Variants in CHCHD5 observed in about 807,000 individuals in gnomAD.
CHCHD5 encodes coiled-coil-helix-coiled-coil-helix domain-containing protein 5.
Under a neutral mutation model 16.0 loss-of-function variants are expected in CHCHD5, and 10 were observed. The observed-to-expected ratio is 0.63, with a 90% confidence interval of 0.39 to 1.06. The LOEUF (loss-of-function observed/expected upper bound fraction) is 1.06, where lower values mean the gene tolerates loss of function less well. CHCHD5 is among the 50% of genes least tolerant of loss of function. The probability of loss-of-function intolerance (pLI) is 0.01; values close to 1 mark genes in which losing one functional copy is unlikely to be tolerated. For synonymous variants in CHCHD5, 55 were observed against 56.3 expected (o/e 0.98, Z 0.10); for missense variants, 163 against 153.4 (o/e 1.06, Z -0.33).
At chr2:112,584,907 C>G (rs757529069) in intron 1 of CHCHD5, 15 of 562,722 alleles carry the variant, frequency 2.7e-5, no homozygotes, top group South Asian at 2.3e-4. Flanking sequence ...ATCTCTGCCC[C>G]CAGTACCCCA....
At chr2:112,587,723 AG>A (rs1685263555) in intron 3 of CHCHD5, 1 of 152,202 alleles carries the variant, frequency 6.6e-6, no homozygotes, top group Non-Finnish European at 1.5e-5. Context: ...TCAGACCCCT[AG>A]GGCAGAAACT....
Position 112,584,860 on chromosome 2 carries a change from C to T in CHCHD5, c.2+211C>T, listed in dbSNP as rs939344098. On this transcript the variant is annotated intron_variant, in intron 1 of 3. Coordinates refer to ENST00000324913, the MANE Select transcript of CHCHD5 (RefSeq NM_032309.4). ...AGCGTTTAGGCCTCGCCCCCTCTCG[C>T]GCTGCTTAGGACTTCGGTCCAGTCA... 6 of 609,872 alleles carry T rather than the reference C, an allele frequency of 9.8e-6. 1 individual carries two copies. The highest frequency in any genetic ancestry group is 9.8e-5 in the South Asian group (5 of 51,056). The allele number at this position is 609,872 out of a possible 1,614,324, so 37.8% of individuals were successfully genotyped here.
rs556728271 is a variant in CHCHD5 at position 112,584,772 on chromosome 2, C to T, written c.2+123C>T. On this transcript the variant is annotated intron_variant, in intron 1 of 3. Transcript: ENST00000324913. ...CTCCCTCCTTCTTGGAGATCTGACCCTCAGGATTCAGCGCCTTCGCTCACG... is the reference window on the plus strand; with the variant it reads ...CTCCCTCCTTCTTGGAGATCTGACCTTCAGGATTCAGCGCCTTCGCTCACG... 6.3e-5 allele frequency: 78 copies of T among 1,230,776 alleles called. No homozygotes were observed. The Middle Eastern group carries it at 7.6e-4, about 12-fold the overall frequency. The allele number at this position is 1,230,776 out of a possible 1,614,324, so 76.2% of individuals were successfully genotyped here. A position where few individuals can be genotyped will look rare whatever the true frequency, so the allele number is the denominator to read the frequency against.
At chr2:112,586,491 T>G in intron 3 of CHCHD5, 126 bp downstream of exon 3, 1 of 1,557,334 alleles carries the variant, frequency 6.4e-7, no homozygotes, top group Non-Finnish European at 8.7e-7. Context: ...GCCTTTGCCA[T>G]GCATCCAGAA....
Position 112,584,657 on chromosome 2 carries a change from G to A in CHCHD5, c.2+8G>A, listed in dbSNP as rs766284202. ...CGGCAAAGGTCTCGAGATGTGAGTA[G>A]TGAGAGCGCCTACCCCATACGTGCT... On this transcript the variant is annotated splice_region_variant and intron_variant, in intron 1 of 3. Coordinates refer to ENST00000324913, the MANE Select transcript of CHCHD5 (RefSeq NM_032309.4). The A allele has an allele frequency of 6.2e-7, 1 of 1,614,090 alleles. No individual in the cohort carries two copies. The highest frequency in any genetic ancestry group is 8.5e-7 in the Non-Finnish European group (1 of 1,179,936).
chr2:112,585,828 T>C (rs969404701), intron 1 of CHCHD5, 146 bp from the exon 2 acceptor site: 36 of 863,948 alleles, frequency 4.2e-5, no homozygotes, highest in African/African-American at 2.9e-4. Flanking sequence ...AATCCAGGAG[T>C]TGGTGGCTAC....
chr2:112,586,402 A>T (rs976594673), intron 3 of CHCHD5, 37 bp downstream of exon 3: 1 of 1,614,018 alleles, frequency 6.2e-7, no homozygotes, highest in Admixed American at 1.7e-5. Flanking sequence ...TCTTTTCTCC[A>T]TAACATCCCC....
intron 1 of CHCHD5, 29 bp downstream of exon 1, chr2:112,584,678 G>A: frequency 2.5e-6 from 4 of 1,613,648 alleles, no homozygotes; most frequent in Non-Finnish European, 3.4e-6. Flanking sequence ...TACCCCATAC[G>A]TGCTGCCGCT....
In CHCHD5 at chr2:112,588,964, G is replaced by A; in HGVS notation, c.*75G>A. 1 of 1,130,676 alleles carries A rather than the reference G, an allele frequency of 8.8e-7. No homozygotes were observed. The highest frequency in any genetic ancestry group is 1.3e-6 in the Non-Finnish European group (1 of 743,926). The allele number at this position is 1,130,676 out of a possible 1,614,324, so 70.0% of individuals were successfully genotyped here. On this transcript the variant is annotated 3_prime_UTR_variant, in exon 4 of 4. Coordinates refer to ENST00000324913, the MANE Select transcript of CHCHD5 (RefSeq NM_032309.4). Reference sequence around the variant, plus strand: ...CCCTCCCCTGCAGAGTGGCCAGATGGAGTCCTGAGCCCTGGACATGGGCCC... The same window carrying A: ...CCCTCCCCTGCAGAGTGGCCAGATGAAGTCCTGAGCCCTGGACATGGGCCC...
At chr2:112,586,482 C>T (rs1390401150) in intron 3 of CHCHD5, 117 bp downstream of exon 3, 1 of 1,561,130 alleles carries the variant, frequency 6.4e-7, no homozygotes, top group Non-Finnish European at 8.7e-7. Flanking sequence ...ACCACACAGG[C>T]CTTTGCCATG....
In CHCHD5 at chr2:112,586,220, G is replaced by A. The variant is rs775381994; in HGVS notation, c.164G>A (p.Arg55His). 1.6e-5 allele frequency: 26 copies of A among 1,610,994 alleles called. No individual in the cohort carries two copies. In the East Asian group the frequency reaches 2.9e-4, roughly 18 times the overall value. Residue 55 changes from arginine (R) to histidine (H), a missense_variant, in exon 3 of 4, where the codon CGC becomes CAC. Physicochemically the swap from Arg to His is conservative, Grantham distance 29 (BLOSUM62 0). Transcript: ENST00000324913. ...CACAGCCCAATCATCCGCCAGATCC[G>A]CCAGGCCTGTGCTCAGCCTTTTGAG... ...TSSHPIIRQI[R>H]QACAQPFEAF...
In CHCHD5 at chr2:112,586,198, A is replaced by G; in HGVS notation, c.144-2A>G. The stretch of plus-strand genomic sequence containing the variant: ...AGGGGCTGAACTGCCCTACCCCCAC[A>G]GCCCAATCATCCGCCAGATCCGCCA... On this transcript the variant is annotated splice_acceptor_variant, in intron 2 of 3. Transcript: ENST00000324913. LOFTEE classifies it high-confidence loss of function. 3.1e-6 allele frequency: 5 copies of G among 1,609,482 alleles called. No individual in the cohort carries two copies. In the South Asian group the frequency reaches 5.5e-5, roughly 18 times the overall value.
At chr2:112,588,521 A>G in intron 3 of CHCHD5, 1 of 290,768 alleles carries the variant, frequency 3.4e-6, no homozygotes, top group South Asian at 4.8e-5. Context: ...TGTCCCTCCC[A>G]TTCCGCACAC....
Position 112,586,028 on chromosome 2 carries a change from T to C in CHCHD5, c.57T>C (p.Tyr19=). Residue 19 remains tyrosine (Y), a synonymous_variant, in exon 2 of 4, where the codon TAT becomes TAC. Transcript: ENST00000324913. ...ARYCGRELEQ[Y]GQCVAAKPES... is the part of the protein sequence containing the mutation. The stretch of plus-strand genomic sequence containing the variant: ...ACTGTGGCCGGGAGCTGGAGCAGTA[T>C]GGCCAGTGTGTGGCGGCCAAGCCGG... 6.2e-7 allele frequency: 1 copy of C among 1,614,258 alleles called. No individual in the cohort carries two copies. The highest frequency in any genetic ancestry group is 8.5e-7 in the Non-Finnish European group (1 of 1,180,040).
At chr2:112,586,533 GC>G in intron 3 of CHCHD5, 168 bp downstream of exon 3, 1 of 1,543,322 alleles carries the variant, frequency 6.5e-7, no homozygotes, top group Non-Finnish European at 8.8e-7. Flanking sequence ...GCCCCATATA[GC>G]CCCTGCTTTA....
intron 1 of CHCHD5, 104 bp downstream of exon 1, chr2:112,584,753 C>A: frequency 7.2e-7 from 1 of 1,384,706 alleles, no homozygotes; most frequent in Admixed American, 1.8e-5. Context: ...CAGCCTCCCT[C>A]CTTCTTGGAG....
chr2:112,588,519 C>G lies in CHCHD5; in HGVS notation c.310-347C>G, dbSNP rs112397474. The G allele has an allele frequency of 7.1e-4, 193 of 273,220 alleles. 2 individuals are homozygous for G. The highest frequency in any genetic ancestry group is 3.7e-3 in the African/African-American group (164 of 44,610). The allele number at this position is 273,220 out of a possible 1,614,324, so 16.9% of individuals were successfully genotyped here. A position where few individuals can be genotyped will look rare whatever the true frequency, so the allele number is the denominator to read the frequency against. On this transcript the variant is annotated intron_variant, in intron 3 of 3. Transcript: ENST00000324913. ...ACAATCAAAGTGGTACATGTCCCTC[C>G]CATTCCGCACACACCTCTGCTCTTT...
chr2:112,586,359 TG>T lies in CHCHD5; in HGVS notation c.304del (p.Val102TrpfsTer22). 6.2e-7 allele frequency: 1 copy of T among 1,614,248 alleles called. No homozygotes were observed. The highest frequency in any genetic ancestry group is 1.7e-5 in the Admixed American group (1 of 60,028). ...TGCAGCCGCCACGCTCACCTGCAAC[TG>T]TGGAGGTAAGAGGGGCTCACCTCAG... ...QVQPPRSPAT[V>X]EAQPLPAS On this transcript the variant is annotated frameshift_variant, in exon 3 of 4. Coordinates refer to ENST00000324913, the MANE Select transcript of CHCHD5 (RefSeq NM_032309.4). LOFTEE classifies it high-confidence loss of function.
chr2:112,585,328 A>G (rs1163914827), intron 1 of CHCHD5, among the ~76,000 whole-genome samples: 1 of 152,180 alleles, frequency 6.6e-6, no homozygotes, highest in Non-Finnish European at 1.5e-5. Flanking sequence ...CTGGAATTCT[A>G]GATCTTTCTT....
Sources: allele counts gnomAD v4.1 joint callset (sites outside exome capture counted in the v4.1 genomes callset), GRCh38; gene constraint gnomAD v4.1.1; transcripts MANE v1.5; gene names NCBI Gene and HGNC (gene_info 2026-07-23, HGNC 2026-07-21).